The following TFB1M variants were observed in gnomAD, a reference collection of about 807,000 sequenced individuals.
The protein encoded by TFB1M is dimethyladenosine transferase 1, mitochondrial.
Under a neutral mutation model 31.1 loss-of-function variants are expected in TFB1M, and 27 were observed. The observed-to-expected ratio is 0.87, with a 90% confidence interval of 0.64 to 1.20. The LOEUF is 1.20. Among genes scored for constraint, TFB1M ranks in the 50% most tolerant of loss-of-function variants. The pLI, the probability that TFB1M is intolerant of heterozygous loss-of-function variation, is 0.00. For missense variants in TFB1M, 394 were observed against 418.7 expected (o/e 0.94, Z 0.51); for synonymous variants, 166 against 151.8 (o/e 1.09, Z -0.69).
chr6:155,285,666 T>G (rs1417214795), intron 4 of TFB1M, among the ~76,000 whole-genome samples: 2 of 152,234 alleles, frequency 1.3e-5, no homozygotes, highest in African/African-American at 4.8e-5. Context: ...CTTAATTTTC[T>G]GAATCACCCC....
At position 155,256,726 on chromosome 6, in the gene TFB1M, G is replaced by A. The variant is rs749272414; in HGVS notation, c.*1110C>T. 2 of 1,614,180 alleles carry A rather than the reference G, an allele frequency of 1.2e-6. No individual in the cohort carries two copies. Among genetic ancestry groups the A allele is most frequent in the East Asian group, 2.2e-5 (1 of 44,880 alleles). On this transcript the variant is annotated 3_prime_UTR_variant, in exon 7 of 7. Coordinates refer to ENST00000367166, the MANE Select transcript of TFB1M (RefSeq NM_016020.4). ...CAAAGAGAGTGACATCCTGAGCGAT[G>A]AAGATGATGACCACCGTCAGACTGT...
intron 5 of TFB1M, among the ~76,000 whole-genome samples, chr6:155,283,938 A>G (rs1384785821): frequency 1.3e-5 from 2 of 152,260 alleles, no homozygotes; most frequent in African/African-American, 4.8e-5. Flanking sequence ...ATAACCTATA[A>G]GATACCTCCA....
the TFB1M span, among the ~76,000 whole-genome samples, chr6:155,234,012 GTT>G: frequency 6.7e-6 from 1 of 148,208 alleles, no homozygotes. Context: ...TTGGGGGGGG[GTT>G]GGGGTTCAAT....
chr6:155,295,135 G>A (rs1342973062), intron 4 of TFB1M, among the ~76,000 whole-genome samples: 2 of 152,218 alleles, frequency 1.3e-5, no homozygotes, highest in African/African-American at 4.8e-5. Flanking sequence ...GGGAGGCTGA[G>A]GCGGGTGGAT....
chr6:155,283,534 C>A (rs958651881), intron 5 of TFB1M, among the ~76,000 whole-genome samples: 1 of 152,122 alleles, frequency 6.6e-6, no homozygotes, highest in African/African-American at 2.4e-5. Context: ...AATTGATAAA[C>A]TACATATGTA....
At chr6:155,271,038 A>C (rs1784893001) in intron 5 of TFB1M, among the ~76,000 whole-genome samples, 1 of 152,236 alleles carries the variant, frequency 6.6e-6, no homozygotes, top group Admixed American at 6.5e-5. Context: ...AGAAAAGAGG[A>C]AAAAGAGTAT....
At chr6:155,305,988 C>T (rs1777745516) in intron 2 of TFB1M, among the ~76,000 whole-genome samples, 2 of 151,010 alleles carry the variant, frequency 1.3e-5, no homozygotes, top group Admixed American at 1.3e-4. Flanking sequence ...ACATCTGAAC[C>T]ATATAAATAT....
At chr6:155,248,724 A>AT in the TFB1M span, among the ~76,000 whole-genome samples, 1 of 152,170 alleles carries the variant, frequency 6.6e-6, no homozygotes, top group South Asian at 2.1e-4. Context: ...CTGAGACACA[A>AT]TTTATCAAAA....
At chr6:155,246,033 C>A in the TFB1M span, among the ~76,000 whole-genome samples, 4 of 151,698 alleles carry the variant, frequency 2.6e-5, no homozygotes, top group Non-Finnish European at 4.4e-5. Flanking sequence ...CAACCCCAAA[C>A]CCTAGATGGG....
At chr6:155,284,518 T>C (rs1304596070) in intron 5 of TFB1M, among the ~76,000 whole-genome samples, 1 of 152,170 alleles carries the variant, frequency 6.6e-6, no homozygotes, top group Non-Finnish European at 1.5e-5. Context: ...ATACATTCAC[T>C]GAAGAAAAAG....
At chr6:155,246,142 G>A in the TFB1M span, among the ~76,000 whole-genome samples, 1 of 151,794 alleles carries the variant, frequency 6.6e-6, no homozygotes, top group East Asian at 1.9e-4. Flanking sequence ...CTCACAAGAA[G>A]TGTGTCAGCT....
chr6:155,256,238 A>C lies in TFB1M; in HGVS notation c.*1598T>G. 1.7e-6 allele frequency: 1 copy of C among 605,566 alleles called. No homozygotes were observed. The highest frequency in any genetic ancestry group is 3.1e-5 in the Admixed American group (1 of 32,288). 37.5% of individuals were successfully genotyped at this position (605,566 alleles called of 1,614,324 possible). A position where few individuals can be genotyped will look rare whatever the true frequency, so the allele number is the denominator to read the frequency against. On this transcript the variant is annotated 3_prime_UTR_variant, in exon 7 of 7. Transcript: ENST00000367166. ...GTAGTAGTTTCTAGTGTCTAGTTCT[A>C]TTTACATAATTGAGCTCTGGTAATC...
At position 155,256,783 on chromosome 6, in the gene TFB1M, A is replaced by G. The variant is rs755535297; in HGVS notation, c.*1053T>C. The G allele has an allele frequency of 6.2e-7, 1 of 1,614,208 alleles. No individual in the cohort carries two copies. ...GGGCAGCCCTACTAAAGACATCGAAATTCAGTTCCAGAGACTGAGGATTTC... is the reference window on the plus strand; with the variant it reads ...GGGCAGCCCTACTAAAGACATCGAAGTTCAGTTCCAGAGACTGAGGATTTC... On this transcript the variant is annotated 3_prime_UTR_variant, in exon 7 of 7. Coordinates refer to ENST00000367166, the MANE Select transcript of TFB1M (RefSeq NM_016020.4).
intron 5 of TFB1M, chr6:155,275,839 C>T (rs1785171652): frequency 1.2e-6 from 2 of 1,614,140 alleles, no homozygotes; most frequent in East Asian, 4.5e-5. Context: ...ACTCCAACAT[C>T]ATAACAGCCA....
At chr6:155,299,432 C>G (rs1292990384) in intron 2 of TFB1M, 1 of 152,014 alleles carries the variant, frequency 6.6e-6, no homozygotes, top group East Asian at 1.9e-4. Flanking sequence ...GTTAAGTGCC[C>G]CATGCCCAAC....
chr6:155,233,072 A>T, the TFB1M span, among the ~76,000 whole-genome samples: 1 of 152,198 alleles, frequency 6.6e-6, no homozygotes, highest in Non-Finnish European at 1.5e-5. Flanking sequence ...CTGAGCCAGG[A>T]AAGGCGGGCA....
rs757194705 is a variant in TFB1M at position 155,274,066 on chromosome 6, G to C, written c.666+11092C>G. Among the ~76,000 whole-genome samples the C allele has an allele frequency of 4.9e-4, 75 of 152,160 alleles. 2 individuals carry two copies. The highest frequency in any genetic ancestry group is 1.8e-4 in the Non-Finnish European group (12 of 68,042). On this transcript the variant is annotated intron_variant, in intron 5 of 6. Transcript: ENST00000367166. ...TAACTTATTTAACCCTATGAACGAA[G>C]TATTTCAATCCTCCCCATTTTCCAG...
chr6:155,250,019 C>G, the TFB1M span: 2 of 1,406,702 alleles, frequency 1.4e-6, no homozygotes, highest in Non-Finnish European at 2.0e-6. Context: ...GGTGTGGGGT[C>G]TGTAGGTGAC....
intron 6 of TFB1M, among the ~76,000 whole-genome samples, 173 bp from the exon 7 acceptor site, chr6:155,258,255 G>A (rs1784210208): frequency 2.0e-5 from 3 of 152,198 alleles, no homozygotes; most frequent in South Asian, 2.1e-4. Context: ...GGCACGGCCC[G>A]CCACTGAGGC....
Sources: gnomAD v4.1 joint callset for allele counts (sites outside exome capture counted in the v4.1 genomes callset) on GRCh38, gnomAD v4.1.1 for gene constraint, MANE v1.5 for transcripts, NCBI Gene and HGNC (gene_info 2026-07-23, HGNC 2026-07-21) for gene names.